Variants in CDH7 observed in about 807,000 individuals in gnomAD.
CDH7 encodes the protein cadherin 7.
Under a neutral mutation model 71.8 loss-of-function variants are expected in CDH7, and 25 were observed. The ratio of observed to expected loss-of-function variants is 0.35; its 90% CI spans 0.25 to 0.49. The LOEUF (loss-of-function observed/expected upper bound fraction) is 0.49. Among genes scored for constraint, CDH7 ranks in the 20% least tolerant of loss-of-function variants. The pLI is 0.99. For missense variants in CDH7, 862 were observed against 974.6 expected (o/e 0.88, Z 1.54); for synonymous variants, 381 against 363.8 (o/e 1.05, Z -0.54).
intron 6 of CDH7, among the ~76,000 whole-genome samples, chr18:65,828,471 T>A (rs1912213262): frequency 6.6e-6 from 1 of 152,182 alleles, no homozygotes; most frequent in African/African-American, 2.4e-5. Context: ...CACAGATGAC[T>A]TATGTAGCCT....
chr18:65,760,575 G>T (rs911759747), intron 1 of CDH7, among the ~76,000 whole-genome samples: 3 of 152,152 alleles, frequency 2.0e-5, no homozygotes, highest in Non-Finnish European at 4.4e-5. Flanking sequence ...TTATGTCATT[G>T]TCTTTAAGAG....
At chr18:65,768,145 T>G (rs2143800555) in intron 2 of CDH7, among the ~76,000 whole-genome samples, 1 of 152,328 alleles carries the variant, frequency 6.6e-6, no homozygotes, top group Non-Finnish European at 1.5e-5. Context: ...AATGTTTGTG[T>G]TTATGTGCAA....
chr18:65,753,977 A>G (rs1403549227), intron 1 of CDH7, among the ~76,000 whole-genome samples: 3 of 152,350 alleles, frequency 2.0e-5, no homozygotes, highest in Admixed American at 6.5e-5. Flanking sequence ...CATAAATCAC[A>G]CGTGGCCCAA....
At chr18:65,789,992 G>A (rs1223108363) in intron 2 of CDH7, among the ~76,000 whole-genome samples, 10 of 151,946 alleles carry the variant, frequency 6.6e-5, no homozygotes. Flanking sequence ...CACTTTGGGA[G>A]GCCAAGGCAG....
chr18:65,786,915 C>T (rs1910535320), intron 2 of CDH7, among the ~76,000 whole-genome samples: 1 of 152,122 alleles, frequency 6.6e-6, no homozygotes, highest in Non-Finnish European at 1.5e-5. Flanking sequence ...TCTCGAACTC[C>T]TGGCATCAAA....
intron 2 of CDH7, among the ~76,000 whole-genome samples, chr18:65,768,845 A>C (rs1916458135): frequency 6.6e-6 from 1 of 152,104 alleles, no homozygotes; most frequent in Admixed American, 6.6e-5. Flanking sequence ...AAGAAACACT[A>C]GTTTGTACAA....
chr18:65,781,980 C>CTCTCTT lies in CDH7; in HGVS notation c.210+18933_210+18934insTTCTCT, dbSNP rs1910274256. On this transcript the variant is annotated intron_variant, in intron 2 of 11. Transcript: ENST00000397968. ...TCTCTCTTTCTCTCTCTCTCTCTCTCTCTCTCTTTCTCTCTTTCTCTCTTT... is the reference window on the plus strand; with the variant it reads ...TCTCTCTTTCTCTCTCTCTCTCTCTCTCTCTTTCTCTCTTTCTCTCTTTCTCTCTTT... Among the ~76,000 whole-genome samples the CTCTCTT allele has an allele frequency of 1.1e-4, 8 of 70,948 alleles. 1 individual carries two copies. The highest frequency in any genetic ancestry group is 6.1e-4 in the African/African-American group (6 of 9,780). 46.5% of individuals were successfully genotyped at this position (70,948 alleles called of 152,430 possible).
chr18:65,792,904 C>T (rs535810040), intron 2 of CDH7, among the ~76,000 whole-genome samples: 2 of 152,236 alleles, frequency 1.3e-5, no homozygotes, highest in South Asian at 4.2e-4. Flanking sequence ...TTAACAAATC[C>T]TCATCTGGTA....
chr18:65,849,917 A>G (rs1392395716), intron 7 of CDH7, among the ~76,000 whole-genome samples: 1 of 151,934 alleles, frequency 6.6e-6, no homozygotes, highest in South Asian at 2.1e-4. Flanking sequence ...TAATCCCAGC[A>G]TTTTGGGAGG....
At chr18:65,837,987 C>T (rs1912592490) in intron 6 of CDH7, among the ~76,000 whole-genome samples, 2 of 142,550 alleles carry the variant, frequency 1.4e-5, no homozygotes, top group African/African-American at 5.3e-5. Flanking sequence ...TGCAGTGGTA[C>T]AATCTCGGCT....
intron 2 of CDH7, among the ~76,000 whole-genome samples, chr18:65,763,976 G>A (rs911501695): frequency 4.0e-5 from 6 of 151,864 alleles, no homozygotes; most frequent in Non-Finnish European, 8.8e-5. Context: ...TCCTGGTGAA[G>A]GTTTTCTAAA....
chr18:65,848,816 A>G (rs775237145), intron 7 of CDH7, among the ~76,000 whole-genome samples: 11 of 136,612 alleles, frequency 8.1e-5, no homozygotes, highest in Non-Finnish European at 1.4e-4. Flanking sequence ...TTTATGTTAA[A>G]GGATACTTGG....
At position 65,862,914 on chromosome 18, in the gene CDH7, T is replaced by A; in HGVS notation, c.1861T>A (p.Leu621Met). The A allele has an allele frequency of 6.2e-7, 1 of 1,614,106 alleles. No homozygotes were observed. The highest frequency in any genetic ancestry group is 8.5e-7 in the Non-Finnish European group (1 of 1,179,972). ...CATACTCGCCTGTGTCTTGACATTA[T>A]TGGGTAGGTACTGTTTCCAGGGCTT... ...IAILACVLTLLVLILLIVTMR... is the reference protein window; with the variant it reads ...IAILACVLTLMVLILLIVTMR... Residue 621 changes from leucine (L) to methionine (M), a missense_variant, in exon 11 of 12, where the codon TTG (leucine) becomes ATG (methionine). Coordinates refer to ENST00000397968, the MANE Select transcript of CDH7 (RefSeq NM_004361.5).
intron 2 of CDH7, among the ~76,000 whole-genome samples, chr18:65,801,353 G>T (rs1911117033): frequency 6.6e-6 from 1 of 152,196 alleles, no homozygotes; most frequent in Non-Finnish European, 1.5e-5. Context: ...CTGTGCACTA[G>T]ATGATACTAG....
chr18:65,790,334 C>T (rs1183763123), intron 2 of CDH7, among the ~76,000 whole-genome samples: 2 of 150,948 alleles, frequency 1.3e-5, no homozygotes, highest in East Asian at 3.9e-4. Flanking sequence ...AATAATTGAA[C>T]CTAGTTGATG....
rs1457244634 is a variant in CDH7, at chr18:65,766,256, C to T, written c.210+3204C>T. ...TGAGTCTTTTAAGACTTTCAAATTT[C>T]GAGTCCATGTTAATGGCAGGTGACC... On this transcript the variant is annotated intron_variant, in intron 2 of 11. Coordinates refer to ENST00000397968, the MANE Select transcript of CDH7 (RefSeq NM_004361.5). Among the ~76,000 whole-genome samples the T allele has an allele frequency of 4.6e-5, 7 of 151,984 alleles. No individual in the cohort carries two copies. The South Asian group carries it at 6.2e-4, about 14-fold the overall frequency.
intron 6 of CDH7, among the ~76,000 whole-genome samples, chr18:65,833,882 A>G (rs1912440613): frequency 6.6e-6 from 1 of 152,184 alleles, no homozygotes. Flanking sequence ...TTCACTTAAG[A>G]GTATTTCAGC....
intron 2 of CDH7, among the ~76,000 whole-genome samples, chr18:65,796,695 C>G (rs894716140): frequency 6.6e-6 from 1 of 152,088 alleles, no homozygotes; most frequent in African/African-American, 2.4e-5. Context: ...CACAAGGGCA[C>G]GAGACCCCGA....
chr18:65,872,212 A>T (rs1913948402), intron 11 of CDH7, among the ~76,000 whole-genome samples: 1 of 151,904 alleles, frequency 6.6e-6, no homozygotes, highest in African/African-American at 2.4e-5. Context: ...CATGCCATGT[A>T]AAAAAAAGGG....
Sources: allele counts gnomAD v4.1 joint callset (sites outside exome capture counted in the v4.1 genomes callset), GRCh38; gene constraint gnomAD v4.1.1; transcripts MANE v1.5; gene names NCBI Gene and HGNC (gene_info 2026-07-23, HGNC 2026-07-21).